The following ZC3H12B variants were observed in gnomAD, a reference collection of about 807,000 sequenced individuals.
The protein encoded by ZC3H12B is probable ribonuclease ZC3H12B.
ZC3H12B carries 7 observed loss-of-function variants against 43.9 expected under a neutral mutation model. The observed-to-expected ratio is 0.16, with a 90% CI of 0.09 to 0.30. The LOEUF (loss-of-function observed/expected upper bound fraction) is 0.30. ZC3H12B is among the 10% of genes least tolerant of loss of function. The pLI, the probability that ZC3H12B is intolerant of heterozygous loss-of-function variation, is 1.00. For missense variants in ZC3H12B, 475 were observed against 670.2 expected (o/e 0.71, Z 3.22); for synonymous variants, 222 against 241.7 (o/e 0.92, Z 0.76).
chrX:65,135,432 G>T, the ZC3H12B span, among the ~76,000 whole-genome samples: 1 of 107,570 alleles, frequency 9.3e-6, no homozygotes, highest in Admixed American at 1.0e-4. Flanking sequence ...TCATTCTTTT[G>T]GACTTACCTT....
chrX:65,128,096 A>C, the ZC3H12B span, among the ~76,000 whole-genome samples: 1 of 111,723 alleles, frequency 9.0e-6, no homozygotes, highest in East Asian at 2.8e-4. Flanking sequence ...AAAGTTCACA[A>C]TGTCAGTCTC....
chrX:65,403,641 C>T (rs1447043230), intron 3 of ZC3H12B, among the ~76,000 whole-genome samples: 4 of 111,490 alleles, frequency 3.6e-5, no homozygotes, highest in Admixed American at 2.9e-4. Context: ...CAGTGGAAAC[C>T]TTACAGGCCA....
the ZC3H12B span, among the ~76,000 whole-genome samples, chrX:65,046,573 C>T: frequency 8.9e-6 from 1 of 112,020 alleles, no homozygotes; most frequent in South Asian, 3.7e-4. Flanking sequence ...TTTGGTTTTT[C>T]ATCTGGACCG....
chrX:65,175,016 C>A, the ZC3H12B span, among the ~76,000 whole-genome samples: 2 of 112,332 alleles, frequency 1.8e-5, no homozygotes, highest in Non-Finnish European at 3.8e-5. Context: ...ACCCAGGCCC[C>A]TTCAGTGTAG....
At chrX:65,159,819 G>C in the ZC3H12B span, among the ~76,000 whole-genome samples, 1 of 111,930 alleles carries the variant, frequency 8.9e-6, no homozygotes, top group Non-Finnish European at 1.9e-5. Flanking sequence ...AGTGGTGAGA[G>C]AGGGCATCCC....
intron 3 of ZC3H12B, among the ~76,000 whole-genome samples, chrX:65,436,976 G>A (rs1252777400): frequency 9.1e-6 from 1 of 109,666 alleles, no homozygotes; most frequent in Non-Finnish European, 1.9e-5. Context: ...TATTTGAGAT[G>A]GAGTCTTGCT....
rs778151005 is a variant in ZC3H12B at position 65,452,438 on chromosome X, G to GA, written n.408-36195dup. Reference sequence around the variant, plus strand: ...GAACACAACCACTTTTACAATAGCTGAAAAAAAAAAAAACACTTGGGAATA... The same window carrying GA: ...GAACACAACCACTTTTACAATAGCTGAAAAAAAAAAAAAACACTTGGGAATA... On this transcript the variant is annotated intron_variant and non_coding_transcript_variant, in intron 3 of 5. Transcript: ENST00000617377. Among the ~76,000 whole-genome samples the GA allele has an allele frequency of 6.5e-3, 608 of 93,069 alleles. 2 individuals are homozygous for GA. The highest frequency in any genetic ancestry group is 0.011 in the Middle Eastern group (2 of 178). The allele number at this position is 93,069 out of a possible 115,157, so 80.8% of individuals were successfully genotyped here. A position where few individuals can be genotyped will look rare whatever the true frequency, so the allele number is the denominator to read the frequency against.
intron 2 of ZC3H12B, among the ~76,000 whole-genome samples, chrX:65,374,058 TATATATAC>T (rs2066305664): frequency 1.6e-5 from 1 of 62,717 alleles, no homozygotes; most frequent in Non-Finnish European, 2.7e-5. Flanking sequence ...TATATAACTA[TATATATAC>T]AGTATATATA....
the ZC3H12B span, among the ~76,000 whole-genome samples, chrX:65,157,856 T>G: frequency 7.4e-4 from 79 of 106,296 alleles, no homozygotes; most frequent in African/African-American, 2.7e-3. Context: ...TGTGCCATGC[T>G]GGTGTGCTGC....
the ZC3H12B span, among the ~76,000 whole-genome samples, chrX:65,347,341 T>G: frequency 2.7e-5 from 3 of 111,148 alleles, no homozygotes; most frequent in Non-Finnish European, 3.8e-5. Flanking sequence ...GAGAAACCAG[T>G]GCAAAAAGGC....
chrX:65,420,602 C>G (rs2067006964), intron 3 of ZC3H12B, among the ~76,000 whole-genome samples: 2 of 112,059 alleles, frequency 1.8e-5, no homozygotes. Context: ...AAATAAAACA[C>G]CAGCAATCAA....
the ZC3H12B span, among the ~76,000 whole-genome samples, chrX:65,349,238 A>T: frequency 0.013 from 1,454 of 112,228 alleles, 8 homozygotes; most frequent in Middle Eastern, 0.028. Flanking sequence ...AACTACATGG[A>T]AACTGAACAA....
chrX:65,391,885 C>T (rs777351466), intron 2 of ZC3H12B, among the ~76,000 whole-genome samples: 1 of 111,250 alleles, frequency 9.0e-6, no homozygotes, highest in African/African-American at 3.3e-5. Flanking sequence ...CCTGCCTCAG[C>T]CTGCCAAGTG....
At chrX:65,247,998 G>A in the ZC3H12B span, among the ~76,000 whole-genome samples, 1 of 111,306 alleles carries the variant, frequency 9.0e-6, no homozygotes, top group Non-Finnish European at 1.9e-5. Context: ...TGACAAAATT[G>A]TTTTGAAATT....
chrX:65,065,939 A>G, the ZC3H12B span, among the ~76,000 whole-genome samples: 34 of 104,958 alleles, frequency 3.2e-4, no homozygotes, highest in South Asian at 8.0e-3. Flanking sequence ...CAATTTGGCT[A>G]TTGATACTTG....
At chrX:65,267,889 T>A in the ZC3H12B span, among the ~76,000 whole-genome samples, 1 of 111,016 alleles carries the variant, frequency 9.0e-6, no homozygotes, top group East Asian at 2.8e-4. Flanking sequence ...AAACTAAACC[T>A]AAAGTTAGCA....
chrX:65,347,639 G>A, the ZC3H12B span, among the ~76,000 whole-genome samples: 2 of 112,239 alleles, frequency 1.8e-5, no homozygotes, highest in African/African-American at 6.5e-5. Flanking sequence ...CTGTTGGTGG[G>A]ACTGTAAACT....
the ZC3H12B span, among the ~76,000 whole-genome samples, chrX:65,083,462 G>T: frequency 8.9e-6 from 1 of 111,835 alleles, no homozygotes; most frequent in Non-Finnish European, 1.9e-5. Context: ...CTATATGCCA[G>T]CAGTGAACAA....
the ZC3H12B span, among the ~76,000 whole-genome samples, chrX:65,104,754 A>G: frequency 1.8e-5 from 2 of 111,940 alleles, no homozygotes; most frequent in African/African-American, 3.2e-5. Flanking sequence ...TCTGGAAACA[A>G]CAGATGCTGG....
Sources: allele counts gnomAD v4.1 joint callset (sites outside exome capture counted in the v4.1 genomes callset), GRCh38; gene constraint gnomAD v4.1.1; transcripts MANE v1.5; gene names NCBI Gene and HGNC (gene_info 2026-07-23, HGNC 2026-07-21).